Variants in EFCAB11 observed in about 807,000 individuals in gnomAD.
The protein encoded by EFCAB11 is EF-hand calcium binding domain 11.
A neutral mutation model predicts 23.0 loss-of-function variants in EFCAB11; 14 were observed. The observed-to-expected ratio is 0.61, with a 90% confidence interval of 0.40 to 0.95. The LOEUF is 0.95. Ranked by LOEUF, EFCAB11 falls within the 40% of genes least tolerant of loss-of-function variation. EFCAB11 has a pLI of 0.00. For missense variants in EFCAB11, 198 were observed against 195.8 expected (o/e 1.01, Z -0.07); for synonymous variants, 65 against 66.6 (o/e 0.98, Z 0.11).
chr14:89,807,326 T>C (rs1596374863), intron 5 of EFCAB11, among the ~76,000 whole-genome samples: 1 of 152,220 alleles, frequency 6.6e-6, no homozygotes, highest in East Asian at 1.9e-4. Flanking sequence ...CTTTAACAGA[T>C]GGCATAATGG....
intron 5 of EFCAB11, among the ~76,000 whole-genome samples, chr14:89,856,053 T>C (rs765224766): frequency 6.6e-6 from 1 of 152,216 alleles, no homozygotes; most frequent in African/African-American, 2.4e-5. Flanking sequence ...TGTTTCTATA[T>C]CTTGGCTATT....
chr14:89,867,289 A>G (rs968193273), intron 5 of EFCAB11, among the ~76,000 whole-genome samples: 2 of 152,092 alleles, frequency 1.3e-5, no homozygotes, highest in African/African-American at 2.4e-5. Flanking sequence ...ATTTATTACT[A>G]TCTGGCGTAT....
intron 5 of EFCAB11, among the ~76,000 whole-genome samples, chr14:89,876,776 G>A (rs1326802554): frequency 6.6e-6 from 1 of 152,206 alleles, no homozygotes; most frequent in Non-Finnish European, 1.5e-5. Context: ...TGCAGGACAT[G>A]TCTTGTTCAG....
intron 5 of EFCAB11, among the ~76,000 whole-genome samples, chr14:89,888,595 C>T (rs1221247667): frequency 6.6e-6 from 1 of 152,142 alleles, no homozygotes; most frequent in Non-Finnish European, 1.5e-5. Flanking sequence ...GGGATCTGTC[C>T]CCATGATCCA....
intron 5 of EFCAB11, among the ~76,000 whole-genome samples, chr14:89,828,333 G>A (rs1249757639): frequency 6.6e-6 from 1 of 152,036 alleles, no homozygotes; most frequent in Admixed American, 6.6e-5. Flanking sequence ...AACATTATTA[G>A]CTGATTAGAG....
At chr14:89,908,895 G>C (rs1889576133) in intron 5 of EFCAB11, among the ~76,000 whole-genome samples, 1 of 152,158 alleles carries the variant, frequency 6.6e-6, no homozygotes, top group Non-Finnish European at 1.5e-5. Flanking sequence ...GGGGTCAAAG[G>C]AGATCACTGA....
chr14:89,812,464 C>A (rs891666227), intron 5 of EFCAB11, among the ~76,000 whole-genome samples: 1 of 152,120 alleles, frequency 6.6e-6, no homozygotes, highest in Non-Finnish European at 1.5e-5. Flanking sequence ...AATGATTTTA[C>A]CATTCATCTG....
chr14:89,862,794 T>C (rs577622568), intron 5 of EFCAB11, among the ~76,000 whole-genome samples: 16 of 152,356 alleles, frequency 1.1e-4, no homozygotes, highest in African/African-American at 3.4e-4. Context: ...GAGAGCACTT[T>C]AGTAGGTTTC....
intron 5 of EFCAB11, among the ~76,000 whole-genome samples, chr14:89,925,950 T>G (rs12100540): frequency 0.19 from 28,684 of 152,088 alleles, 3,154 homozygotes; most frequent in South Asian, 0.32. Context: ...TGCCTCAGCC[T>G]CCTGAGTAGC....
chr14:89,839,078 G>C (rs772268730), intron 5 of EFCAB11, among the ~76,000 whole-genome samples: 1 of 152,168 alleles, frequency 6.6e-6, no homozygotes, highest in South Asian at 2.1e-4. Flanking sequence ...AAATCAGTCA[G>C]ATAGCAGGAT....
Position 89,814,087 on chromosome 14 carries a change from CTT to C in EFCAB11, c.411-16765_411-16764del, listed in dbSNP as rs34695335. On this transcript the variant is annotated intron_variant, in intron 5 of 5. Coordinates refer to ENST00000316738, the MANE Select transcript of EFCAB11 (RefSeq NM_145231.4). ...CTGGGGGGAGAAAAAAAAAACTAACCTTTTTTTTTTTTTCCACTTTGAATCGA... is the reference window on the plus strand; with the variant it reads ...CTGGGGGGAGAAAAAAAAAACTAACCTTTTTTTTTTTCCACTTTGAATCGA... Among the ~76,000 whole-genome samples the C allele has an allele frequency of 4.5e-3, 651 of 145,282 alleles. 1 individual carries two copies. Among genetic ancestry groups the C allele is most frequent in the Non-Finnish European group, 7.4e-3 (487 of 66,102 alleles).
At chr14:89,906,572 T>C (rs988670880) in intron 5 of EFCAB11, among the ~76,000 whole-genome samples, 2 of 152,202 alleles carry the variant, frequency 1.3e-5, no homozygotes, top group African/African-American at 4.8e-5. Context: ...GGTTTTAAAA[T>C]GTGGTTTTTT....
chr14:89,825,181 A>T (rs1596384760), intron 5 of EFCAB11, among the ~76,000 whole-genome samples: 2 of 152,214 alleles, frequency 1.3e-5, no homozygotes, highest in East Asian at 1.9e-4. Flanking sequence ...AGAGATCAAT[A>T]ACCAAAAAAT....
Position 89,931,451 on chromosome 14 carries a change from GAATA to G in EFCAB11, c.410+86_410+89del, listed in dbSNP as rs1181486747. 6.7e-6 allele frequency: 8 copies of G among 1,199,918 alleles called. No individual in the cohort carries two copies. In the Admixed American group the frequency reaches 1.3e-4, roughly 20 times the overall value. The allele number at this position is 1,199,918 out of a possible 1,614,324, so 74.3% of individuals were successfully genotyped here. A position where few individuals can be genotyped will look rare whatever the true frequency, so the allele number is the denominator to read the frequency against. The stretch of plus-strand genomic sequence containing the variant: ...AAAAATGTTCCAGACTCAAAAATCA[GAATA>G]AATAAGTTCTTTCCATAAAGTCAAA... On this transcript the variant is annotated intron_variant, in intron 5 of 5. Coordinates refer to ENST00000316738, the MANE Select transcript of EFCAB11 (RefSeq NM_145231.4).
chr14:89,807,883 G>T (rs1202173995), intron 5 of EFCAB11, among the ~76,000 whole-genome samples: 1 of 152,066 alleles, frequency 6.6e-6, no homozygotes, highest in Non-Finnish European at 1.5e-5. Flanking sequence ...CCTCAATTCG[G>T]TAATTAAAAG....
At chr14:89,933,368 TAA>T (rs1890464375) in intron 3 of EFCAB11, among the ~76,000 whole-genome samples, 1 of 152,198 alleles carries the variant, frequency 6.6e-6, no homozygotes, top group Non-Finnish European at 1.5e-5. Flanking sequence ...TCTACATATA[TAA>T]AAAGAGTGGT....
At chr14:89,806,106 C>T (rs139642322) in intron 5 of EFCAB11, among the ~76,000 whole-genome samples, 17 of 152,022 alleles carry the variant, frequency 1.1e-4, no homozygotes, top group Admixed American at 3.3e-4. Flanking sequence ...TAACAAGTGA[C>T]GGAATAAATT....
intron 5 of EFCAB11, among the ~76,000 whole-genome samples, chr14:89,878,928 C>T (rs950353481): frequency 6.6e-6 from 1 of 151,942 alleles, no homozygotes; most frequent in Non-Finnish European, 1.5e-5. Flanking sequence ...ATGTGCATAA[C>T]ATTAGGCTAT....
intron 2 of EFCAB11, among the ~76,000 whole-genome samples, chr14:89,953,222 C>A (rs550585293): frequency 0.05 from 7,437 of 147,740 alleles, 522 homozygotes; most frequent in African/African-American, 0.16. Context: ...AAAAAAAAAA[C>A]CCCACCTATA....
Sources: gnomAD v4.1 joint callset for allele counts (sites outside exome capture counted in the v4.1 genomes callset) on GRCh38, gnomAD v4.1.1 for gene constraint, MANE v1.5 for transcripts, NCBI Gene and HGNC (gene_info 2026-07-23, HGNC 2026-07-21) for gene names.